HMCN1: variants seen among roughly 807,000 people sequenced by gnomAD.
The protein encoded by HMCN1 is hemicentin-1.
HMCN1 carries 321 observed loss-of-function variants against 625.9 expected under a neutral mutation model. The ratio of observed to expected loss-of-function variants is 0.51; its 90% CI spans 0.47 to 0.56. HMCN1 has a LOEUF of 0.56. Ranked by LOEUF, HMCN1 falls within the 20% of genes least tolerant of loss-of-function variation. The probability of loss-of-function intolerance (pLI) is 0.00; values close to 1 mark genes in which losing one functional copy is unlikely to be tolerated. For missense variants in HMCN1, 6,588 were observed against 6,887.3 expected, an observed-to-expected ratio of 0.96 and a Z score of 1.54; for synonymous variants, 2,425 against 2,417.6, an observed-to-expected ratio of 1.00 and a Z score of -0.09.
At chr1:186,151,093 G>A in intron 93 of HMCN1, 107 bp from the exon 94 acceptor site, 2 of 1,104,468 alleles carry the variant, frequency 1.8e-6, no homozygotes, top group Non-Finnish European at 2.7e-6. Context: ...CCTTTTTGAT[G>A]TTTGAGAAAA....
At chr1:185,935,214 T>C (rs992218173) in intron 11 of HMCN1, among the ~76,000 whole-genome samples, 1 of 151,482 alleles carries the variant, frequency 6.6e-6, no homozygotes, top group African/African-American at 2.5e-5. Flanking sequence ...GCCTTCCTTG[T>C]TTCTCCACGT....
At chr1:186,171,248 T>C in intron 100 of HMCN1, 89 bp from the exon 101 acceptor site, 1 of 930,280 alleles carries the variant, frequency 1.1e-6, no homozygotes, top group Non-Finnish European at 1.8e-6. Context: ...TTAAACATGG[T>C]AATGATCAAG....
intron 4 of HMCN1, among the ~76,000 whole-genome samples, chr1:185,883,708 G>C (rs1045010703): frequency 2.6e-5 from 4 of 151,832 alleles, no homozygotes; most frequent in African/African-American, 9.7e-5. Flanking sequence ...TATGAACATT[G>C]CTGTATGGTT....
chr1:186,058,580 C>G (rs890425266), intron 46 of HMCN1, among the ~76,000 whole-genome samples: 28 of 151,700 alleles, frequency 1.8e-4, no homozygotes, highest in African/African-American at 5.8e-4. Flanking sequence ...ATTTGAAGAG[C>G]CATGGTGTAG....
chr1:186,164,496 GC>G (rs1651748723), intron 97 of HMCN1, among the ~76,000 whole-genome samples: 1 of 152,084 alleles, frequency 6.6e-6, no homozygotes. Flanking sequence ...GCCCGCCTCG[GC>G]CTCCCAAAGT....
At chr1:185,950,254 G>A (rs1035281809) in intron 11 of HMCN1, among the ~76,000 whole-genome samples, 1 of 151,680 alleles carries the variant, frequency 6.6e-6, no homozygotes, top group African/African-American at 2.4e-5. Context: ...CCGGGAAGCA[G>A]AAAGTATATG....
intron 4 of HMCN1, among the ~76,000 whole-genome samples, chr1:185,908,388 G>A (rs1051968134): frequency 3.3e-5 from 5 of 151,928 alleles, no homozygotes; most frequent in Admixed American, 3.3e-4. Context: ...TCTGTTCAGT[G>A]TCTTATGCCT....
At chr1:185,801,266 A>G (rs1328594857) in intron 1 of HMCN1, among the ~76,000 whole-genome samples, 1 of 152,210 alleles carries the variant, frequency 6.6e-6, no homozygotes, top group Non-Finnish European at 1.5e-5. Context: ...GTGGGCTAAG[A>G]TATTGTCACT....
At chr1:186,081,032 C>G (rs1659138767) in intron 55 of HMCN1, among the ~76,000 whole-genome samples, 175 bp from the exon 56 acceptor site, 1 of 152,174 alleles carries the variant, frequency 6.6e-6, no homozygotes, top group African/African-American at 2.4e-5. Context: ...AATTCAAATA[C>G]TGTTTTCACC....
chr1:186,049,726 A>G (rs1656821272), intron 42 of HMCN1, among the ~76,000 whole-genome samples: 1 of 152,052 alleles, frequency 6.6e-6, no homozygotes, highest in Non-Finnish European at 1.5e-5. Flanking sequence ...TAGTTTATTC[A>G]CATATTTTTA....
Position 186,115,280 on chromosome 1 carries a change from T to C in HMCN1, c.11427T>C (p.Gly3809=). The C allele has an allele frequency of 6.2e-7, 1 of 1,614,068 alleles. No homozygotes were observed. Among genetic ancestry groups the C allele is most frequent in the Non-Finnish European group, 8.5e-7 (1 of 1,179,990 alleles). The change falls in exon 75 of 107, where the codon GGT becomes GGC. Residue 3809 remains glycine (G), a synonymous_variant. Coordinates refer to ENST00000271588, the MANE Select transcript of HMCN1 (RefSeq NM_031935.3). The stretch of plus-strand genomic sequence containing the variant: ...TAGTTCCTCCATCTATTGCTCCGGG[T>C]CCTACCAACATGACTGTAATAGTAA... ...QVHVPPSIAP[G]PTNMTVIVNV... is the part of the protein sequence containing the mutation.
intron 4 of HMCN1, among the ~76,000 whole-genome samples, chr1:185,886,981 A>G (rs372172417): frequency 6.6e-6 from 1 of 152,228 alleles, no homozygotes; most frequent in East Asian, 1.9e-4. Flanking sequence ...TAATTAGGCT[A>G]GCTTTTTTCT....
chr1:186,088,881 C>T, intron 63 of HMCN1, 126 bp downstream of exon 63: 2 of 929,010 alleles, frequency 2.2e-6, no homozygotes, highest in Non-Finnish European at 3.3e-6. Flanking sequence ...CAAAAACTAT[C>T]ATCAGTTTTC....
chr1:185,767,930 A>G (rs1443550925), intron 1 of HMCN1, among the ~76,000 whole-genome samples: 1 of 152,200 alleles, frequency 6.6e-6, no homozygotes, highest in Non-Finnish European at 1.5e-5. Flanking sequence ...ATTTACTTGC[A>G]GCCAGACTTG....
intron 1 of HMCN1, among the ~76,000 whole-genome samples, chr1:185,781,733 T>C (rs910719496): frequency 6.6e-6 from 1 of 152,244 alleles, no homozygotes; most frequent in Admixed American, 6.5e-5. Context: ...TACTTTCCGT[T>C]CTTTTACATT....
intron 7 of HMCN1, 29 bp downstream of exon 7, chr1:185,922,528 C>T (rs1219163210): frequency 2.6e-6 from 4 of 1,566,630 alleles, no homozygotes; most frequent in African/African-American, 1.4e-5. Flanking sequence ...TTTAAATTGA[C>T]ATAATAGATA....
chr1:185,945,240 A>C (rs1265475087), intron 11 of HMCN1, among the ~76,000 whole-genome samples: 1 of 152,214 alleles, frequency 6.6e-6, no homozygotes, highest in African/African-American at 2.4e-5. Context: ...TGACAATGAG[A>C]TCTTTATTTA....
At chr1:185,771,690 T>A (rs577475602) in intron 1 of HMCN1, among the ~76,000 whole-genome samples, 3 of 152,184 alleles carry the variant, frequency 2.0e-5, no homozygotes, top group Non-Finnish European at 2.9e-5. Flanking sequence ...TATTAAAATT[T>A]GGGACAAATA....
chr1:185,902,411 CTATCTATCTA>C (rs1558053066), intron 4 of HMCN1, among the ~76,000 whole-genome samples: 22 of 129,574 alleles, frequency 1.7e-4, no homozygotes, highest in African/African-American at 8.9e-4. Flanking sequence ...CTATCTCTAT[CTATCTATCTA>C]TCTATCTATC....
Sources: allele counts gnomAD v4.1 joint callset (sites outside exome capture counted in the v4.1 genomes callset), GRCh38; gene constraint gnomAD v4.1.1; transcripts MANE v1.5; gene names NCBI Gene and HGNC (gene_info 2026-07-23, HGNC 2026-07-21).